Variants in ERC1 observed in about 807,000 individuals in gnomAD.
The protein encoded by ERC1 is ELKS/RAB6-interacting/CAST family member 1, also known as RAB6 interacting protein 2.
Under a neutral mutation model 132.0 loss-of-function variants are expected in ERC1, and 56 were observed. The ratio of observed to expected loss-of-function variants is 0.42; its 90% CI spans 0.34 to 0.53. ERC1 has a LOEUF of 0.53. Ranked by LOEUF, ERC1 falls within the 20% of genes least tolerant of loss-of-function variation. The pLI, the probability that ERC1 is intolerant of heterozygous loss-of-function variation, is 0.03. For missense variants in ERC1, 1,202 were observed against 1,349.9 expected (o/e 0.89, Z 1.72); for synonymous variants, 478 against 476.1 (o/e 1.00, Z -0.05).
chr12:1,441,015 T>G (rs1348268081), intron 17 of ERC1, among the ~76,000 whole-genome samples: 1 of 152,134 alleles, frequency 6.6e-6, no homozygotes, highest in African/African-American at 2.4e-5. Context: ...ATCATGTTTA[T>G]TTAATCAATT....
intron 15 of ERC1, among the ~76,000 whole-genome samples, chr12:1,319,111 AC>A (rs1375904769): frequency 2.6e-5 from 4 of 152,092 alleles, no homozygotes; most frequent in African/African-American, 9.7e-5. Context: ...TGACTTCTGA[AC>A]TGATGCTTGC....
At chr12:1,390,249 G>A (rs971015444) in intron 16 of ERC1, among the ~76,000 whole-genome samples, 4 of 152,076 alleles carry the variant, frequency 2.6e-5, no homozygotes, top group East Asian at 1.9e-4. Flanking sequence ...CCTGTTTAGC[G>A]ATAAACCTGT....
chr12:1,167,732 T>TC (rs1349329080), intron 8 of ERC1, among the ~76,000 whole-genome samples: 13 of 150,614 alleles, frequency 8.6e-5, no homozygotes, highest in East Asian at 3.9e-4. Flanking sequence ...TTTTTTTTTT[T>TC]CCGAGATGGA....
intron 13 of ERC1, among the ~76,000 whole-genome samples, chr12:1,243,767 C>G (rs1305405893): frequency 6.6e-6 from 1 of 152,100 alleles, no homozygotes; most frequent in Non-Finnish European, 1.5e-5. Flanking sequence ...CTCCGGATAG[C>G]CCCCACGGCA....
chr12:1,313,629 GA>G (rs2081475097), intron 15 of ERC1, among the ~76,000 whole-genome samples: 1 of 151,964 alleles, frequency 6.6e-6, no homozygotes, highest in Admixed American at 6.6e-5. Flanking sequence ...TGTAAAGACC[GA>G]AAACATTTTG....
rs1394355568 is a variant in ERC1, at chr12:1,492,578, T to G, written c.*2348T>G. On this transcript the variant is annotated 3_prime_UTR_variant, in exon 19 of 19. Coordinates refer to ENST00000360905, the MANE Select transcript of ERC1 (RefSeq NM_178040.4). ...TGTCACTCTCCTCTTCATCTCAGCA[T>G]TCTCCATCACTTCCCCTCCAGAAAA... 4.3e-6 allele frequency: 1 copy of G among 233,002 alleles called. No individual in the cohort carries two copies. Among genetic ancestry groups the G allele is most frequent in the East Asian group, 6.0e-5 (1 of 16,568 alleles). 14.4% of individuals were successfully genotyped at this position (233,002 alleles called of 1,614,324 possible). A position where few individuals can be genotyped will look rare whatever the true frequency, so the allele number is the denominator to read the frequency against.
At chr12:1,387,762 G>A (rs1368696804) in intron 16 of ERC1, among the ~76,000 whole-genome samples, 1 of 152,178 alleles carries the variant, frequency 6.6e-6, no homozygotes, top group Admixed American at 6.5e-5. Flanking sequence ...ACTTGGGGCC[G>A]CTAGAACTGT....
At chr12:1,004,326 C>T (rs1270615884) in intron 1 of ERC1, among the ~76,000 whole-genome samples, 1 of 151,694 alleles carries the variant, frequency 6.6e-6, no homozygotes, top group East Asian at 1.9e-4. Context: ...CCTTTCAACC[C>T]ATTATTATGG....
intron 2 of ERC1, among the ~76,000 whole-genome samples, chr12:1,055,168 C>A (rs1352193500): frequency 6.6e-6 from 1 of 151,858 alleles, no homozygotes; most frequent in Non-Finnish European, 1.5e-5. Flanking sequence ...TTTTTTCTTT[C>A]CTTTTTCTTT....
intron 12 of ERC1, among the ~76,000 whole-genome samples, chr12:1,200,861 A>G (rs1430321935): frequency 6.6e-6 from 1 of 152,088 alleles, no homozygotes; most frequent in East Asian, 1.9e-4. Context: ...CCCGGCCCAC[A>G]TTTCCTTTTC....
chr12:1,143,674 T>A (rs1333605020), intron 8 of ERC1, among the ~76,000 whole-genome samples: 2 of 151,936 alleles, frequency 1.3e-5, no homozygotes, highest in African/African-American at 4.8e-5. Context: ...TTGCATTTTT[T>A]ATTGGGAGTA....
intron 18 of ERC1, among the ~76,000 whole-genome samples, chr12:1,482,903 C>A (rs917829741): frequency 3.3e-5 from 5 of 152,182 alleles, no homozygotes; most frequent in African/African-American, 9.7e-5. Flanking sequence ...AAGCCCCCAC[C>A]TATTAGCAGT....
At chr12:1,318,669 C>T (rs1336781158) in intron 15 of ERC1, among the ~76,000 whole-genome samples, 1 of 152,102 alleles carries the variant, frequency 6.6e-6, no homozygotes, top group African/African-American at 2.4e-5. Flanking sequence ...TTTTGTAGTG[C>T]GTAGGAAAAT....
intron 14 of ERC1, among the ~76,000 whole-genome samples, chr12:1,280,185 A>C (rs1197083850): frequency 6.6e-6 from 1 of 152,162 alleles, no homozygotes; most frequent in Non-Finnish European, 1.5e-5. Context: ...TTGATCATAG[A>C]AGCAGTCATC....
chr12:1,099,910 C>A (rs1212597091), intron 3 of ERC1, among the ~76,000 whole-genome samples: 1 of 131,864 alleles, frequency 7.6e-6, no homozygotes, highest in Non-Finnish European at 1.5e-5. Context: ...TGCAGTGGCA[C>A]CATCTCGGCT....
At chr12:1,401,640 A>G (rs1184309834) in intron 16 of ERC1, among the ~76,000 whole-genome samples, 3 of 151,594 alleles carry the variant, frequency 2.0e-5, no homozygotes, top group Admixed American at 6.6e-5. Context: ...CCAACTTCAT[A>G]TTGTTGCTAT....
chr12:1,385,386 C>T (rs1423020894), intron 16 of ERC1, among the ~76,000 whole-genome samples: 2 of 152,078 alleles, frequency 1.3e-5, no homozygotes, highest in Admixed American at 1.3e-4. Flanking sequence ...GGGTTCACGC[C>T]ATTCTCCTGC....
Position 1,280,224 on chromosome 12 carries a change from G to C in ERC1, c.2620-9628G>C, listed in dbSNP as rs75897654. 7.3e-3 allele frequency among the ~76,000 whole-genome samples: 1,108 copies of C among 152,218 alleles called. 5 individuals carry two copies. Among genetic ancestry groups the C allele is most frequent in the African/African-American group, 0.025 (1,029 of 41,528 alleles). On this transcript the variant is annotated intron_variant, in intron 14 of 18. Coordinates refer to ENST00000360905, the MANE Select transcript of ERC1 (RefSeq NM_178040.4). ...GATACGGCTGAAAGTAAAGCCTTGG[G>C]AGCCAGATGGCTTCCCGCTGATTTT...
intron 15 of ERC1, among the ~76,000 whole-genome samples, chr12:1,342,765 T>G (rs995315317): frequency 1.3e-5 from 2 of 152,196 alleles, no homozygotes; most frequent in Non-Finnish European, 2.9e-5. Context: ...AAATTTAGTA[T>G]TGCTAGAGCA....
Sources: gnomAD v4.1 joint callset for allele counts (sites outside exome capture counted in the v4.1 genomes callset) on GRCh38, gnomAD v4.1.1 for gene constraint, MANE v1.5 for transcripts, NCBI Gene and HGNC (gene_info 2026-07-23, HGNC 2026-07-21) for gene names.